The following BEND7 variants were observed in gnomAD, a reference collection of about 807,000 sequenced individuals.
The protein encoded by BEND7 is BEN domain containing 7.
BEND7 carries 28 observed loss-of-function variants against 50.9 expected under a neutral mutation model. That is an observed-to-expected ratio of 0.55 (90% CI 0.41 to 0.75). BEND7 has a LOEUF of 0.75. BEND7 is among the 30% of genes least tolerant of loss of function. The probability of loss-of-function intolerance (pLI) is 0.00; values close to 1 mark genes in which losing one functional copy is unlikely to be tolerated. For synonymous variants in BEND7, 170 were observed against 183.9 expected (o/e 0.92, Z 0.61); for missense variants, 477 against 491.3 (o/e 0.97, Z 0.28).
intron 6 of BEND7, among the ~76,000 whole-genome samples, chr10:13,464,609 TTAA>T (rs1250717240): frequency 1.3e-5 from 2 of 152,170 alleles, no homozygotes; most frequent in Non-Finnish European, 2.9e-5. Flanking sequence ...AAGTAAATTA[TTAA>T]TAATAGCTGT....
chr10:13,514,391 A>G (rs2078504064), intron 2 of BEND7, among the ~76,000 whole-genome samples: 1 of 152,204 alleles, frequency 6.6e-6, no homozygotes, highest in Non-Finnish European at 1.5e-5. Context: ...TAGAGTGTGC[A>G]GCGGGGTGGC....
intron 6 of BEND7, among the ~76,000 whole-genome samples, chr10:13,460,646 A>G (rs1840025665): frequency 6.6e-6 from 1 of 152,202 alleles, no homozygotes; most frequent in Non-Finnish European, 1.5e-5. Flanking sequence ...TTGTGCACCC[A>G]CAAATCTTAG....
downstream of BEND7, chr10:13,438,959 C>A: frequency 1.9e-6 from 1 of 540,000 alleles, no homozygotes; most frequent in Non-Finnish European, 3.3e-6. Context: ...CACTGGGAGG[C>A]CAGGACTCAC....
intron 8 of BEND7, 49 bp downstream of exon 8, chr10:13,447,217 G>A (rs867208132): frequency 5.7e-6 from 9 of 1,587,506 alleles, no homozygotes; most frequent in Middle Eastern, 1.7e-4. Flanking sequence ...ATAGTTTTGT[G>A]GGCTGTATTT....
chr10:13,492,605 A>G lies in BEND7; in HGVS notation c.837+6T>C. ...TAGAGTCAGCAGCCAGAAAATGGCA[A>G]CTTACATCTGAGGAAGGTGATTCCA... On this transcript the variant is annotated splice_donor_region_variant and intron_variant, in intron 5 of 8. Transcript: ENST00000466271. The G allele has an allele frequency of 5.6e-6, 9 of 1,613,470 alleles. No individual in the cohort carries two copies. The highest frequency in any genetic ancestry group is 7.6e-6 in the Non-Finnish European group (9 of 1,179,878).
At chr10:13,498,099 AG>A (rs1426308956) in intron 3 of BEND7, among the ~76,000 whole-genome samples, 2 of 130,366 alleles carry the variant, frequency 1.5e-5, no homozygotes, top group Non-Finnish European at 3.1e-5. Flanking sequence ...TTTTTGAGAC[AG>A]GGTCTCGCTC....
intron 6 of BEND7, among the ~76,000 whole-genome samples, chr10:13,479,663 T>C (rs2075714183): frequency 6.6e-6 from 1 of 152,248 alleles, no homozygotes; most frequent in African/African-American, 2.4e-5. Context: ...TTGTTTGTAG[T>C]GTCACTTCAG....
intron 6 of BEND7, among the ~76,000 whole-genome samples, chr10:13,468,018 G>C (rs1161317310): frequency 6.6e-6 from 1 of 152,172 alleles, no homozygotes; most frequent in African/African-American, 2.4e-5. Context: ...TAAACAGCAT[G>C]ACCATGTATC....
rs1321394645 is a variant in BEND7, at chr10:13,492,670, A to G, written c.778T>C (p.Ser260Pro). ...CCTAGAACGCGGCTCTCCTCCGGGG[A>G]GGTGTGCTCGGCTGCCTGGAGAGCA... is the stretch of plus-strand genomic sequence containing the variant. The part of the protein sequence containing the change: ...LSALQAAEHT[S>P]PEESRVLGFG... The change falls in exon 5 of 9, where the codon TCC becomes CCC. Residue 260 changes from serine to proline, a missense_variant. Physicochemically the swap from Ser to Pro is moderately conservative, Grantham distance 74 (BLOSUM62 -1). This residue lies in a region of BEND7 where 396 missense variants were observed against 384.2 expected (regional missense o/e 1.03). Transcript: ENST00000466271. 1.2e-6 allele frequency: 2 copies of G among 1,614,138 alleles called. No homozygotes were observed. Among genetic ancestry groups the G allele is most frequent in the East Asian group, 4.5e-5 (2 of 44,890 alleles).
chr10:13,528,085 G>T (rs574643403), intron 1 of BEND7, among the ~76,000 whole-genome samples: 2 of 152,176 alleles, frequency 1.3e-5, no homozygotes, highest in East Asian at 1.9e-4. Flanking sequence ...TTGGCGGGGG[G>T]AAGGGGGAAG....
chr10:13,469,062 G>A (rs1229534609), intron 6 of BEND7, among the ~76,000 whole-genome samples: 4 of 152,204 alleles, frequency 2.6e-5, no homozygotes, highest in African/African-American at 9.6e-5. Flanking sequence ...AGTTGTACCT[G>A]GCTAAGTGGA....
Position 13,496,878 on chromosome 10 carries a change from TG to T in BEND7, c.458del (p.Pro153GlnfsTer3). ...HPTTSSNGEL[P>X]VVNSSAGSNC... ...TTGATCCAGCTGATGAATTCACCAC[TG>T]GAAGTTCTCCTGAGCATGAAAGAAA... On this transcript the variant is annotated frameshift_variant, in exon 4 of 9. Coordinates refer to ENST00000466271, the MANE Select transcript of BEND7 (RefSeq NM_001369863.1). LOFTEE classifies it high-confidence loss of function. The T allele has an allele frequency of 6.3e-7, 1 of 1,593,446 alleles. No homozygotes were observed. The highest frequency in any genetic ancestry group is 8.5e-7 in the Non-Finnish European group (1 of 1,175,980).
At chr10:13,465,466 C>T (rs138095871) in intron 6 of BEND7, among the ~76,000 whole-genome samples, 4 of 152,082 alleles carry the variant, frequency 2.6e-5, no homozygotes, top group African/African-American at 7.2e-5. Context: ...AAAAGCTGGC[C>T]GTGAGGACCA....
At position 13,496,827 on chromosome 10, in the gene BEND7, T is replaced by A. The variant is rs766281842; in HGVS notation, c.510A>T (p.Ser170=). The change falls in exon 4 of 9, where the codon TCA becomes TCT. Residue 170 remains serine, a synonymous_variant. Transcript: ENST00000466271. ...GSNCCTCNCQ[S]TLQAILQELK... ...GTTCTTGTAGAATGGCCTGCAACGT[T>A]GACTGGCAGTTACAAGTACAGCAGT... 8 of 1,613,302 alleles carry A rather than the reference T, an allele frequency of 5.0e-6. No homozygotes were observed. The highest frequency in any genetic ancestry group is 6.8e-6 in the Non-Finnish European group (8 of 1,179,910).
intron 2 of BEND7, among the ~76,000 whole-genome samples, chr10:13,508,779 T>C (rs1226943836): frequency 6.6e-6 from 1 of 152,178 alleles, no homozygotes; most frequent in Non-Finnish European, 1.5e-5. Flanking sequence ...AAAAATGTAA[T>C]ACACAGTCTC....
chr10:13,474,542 T>G (rs986105448), intron 6 of BEND7, among the ~76,000 whole-genome samples: 1 of 136,974 alleles, frequency 7.3e-6, no homozygotes, highest in Non-Finnish European at 1.6e-5. Context: ...TCACCGCTGT[T>G]GGACTCGGGT....
intron 2 of BEND7, among the ~76,000 whole-genome samples, chr10:13,513,799 G>A (rs2078453437): frequency 6.6e-6 from 1 of 152,230 alleles, no homozygotes; most frequent in Non-Finnish European, 1.5e-5. Flanking sequence ...CTCCCCGAGA[G>A]GCTGGGCCTC....
chr10:13,459,954 G>A (rs140874662), intron 6 of BEND7: 77 of 152,366 alleles, frequency 5.1e-4, no homozygotes, highest in African/African-American at 1.6e-3. Context: ...TTGTCCCAGT[G>A]CCCTCTAAGC....
At chr10:13,450,182 G>A (rs1249759201) in intron 7 of BEND7, among the ~76,000 whole-genome samples, 1 of 152,150 alleles carries the variant, frequency 6.6e-6, no homozygotes, top group East Asian at 1.9e-4. Context: ...AATCTGTGTG[G>A]GGCACTTCTT....
Sources: allele counts gnomAD v4.1 joint callset (sites outside exome capture counted in the v4.1 genomes callset), GRCh38; gene constraint gnomAD v4.1.1; regional missense constraint gnomAD v4.1.1; transcripts MANE v1.5; gene names NCBI Gene and HGNC (gene_info 2026-07-23, HGNC 2026-07-21).